The following HNF4A variants were observed in gnomAD, a reference collection of about 807,000 sequenced individuals.
The protein encoded by HNF4A is hepatocyte nuclear factor 4-alpha.
In HNF4A, 15 loss-of-function variants were observed where a neutral mutation model predicts 52.4. That is an observed-to-expected ratio of 0.29 (90% CI 0.19 to 0.44). HNF4A has a LOEUF of 0.44. Among genes scored for constraint, HNF4A ranks in the 20% least tolerant of loss-of-function variants. The pLI, the probability that HNF4A is intolerant of heterozygous loss-of-function variation, is 1.00. For missense variants in HNF4A, 479 were observed against 647.2 expected (o/e 0.74, Z 2.82); for synonymous variants, 280 against 264.4 (o/e 1.06, Z -0.57).
chr20:44,429,822 C>A lies in HNF4A; in HGVS notation c.*157C>A. 1.4e-6 allele frequency: 1 copy of A among 731,042 alleles called. No homozygotes were observed. Among genetic ancestry groups the A allele is most frequent in the South Asian group, 1.8e-5 (1 of 56,686 alleles). The allele number at this position is 731,042 out of a possible 1,614,324, so 45.3% of individuals were successfully genotyped here. A position where few individuals can be genotyped will look rare whatever the true frequency, so the allele number is the denominator to read the frequency against. ...GGGCCCGAGAACATGGCCTAAGGGC[C>A]ACATCCCACTGCCACCCTTGACGCC... On this transcript the variant is annotated 3_prime_UTR_variant, in exon 10 of 10. Coordinates refer to ENST00000316099, the MANE Select transcript of HNF4A (RefSeq NM_000457.6).
chr20:44,367,100 C>T (rs1483265730), intron 1 of HNF4A, among the ~76,000 whole-genome samples: 1 of 152,140 alleles, frequency 6.6e-6, no homozygotes, highest in Non-Finnish European at 1.5e-5. Flanking sequence ...CTTTTGGAGG[C>T]CAAGGTGAGT....
intron 8 of HNF4A, among the ~76,000 whole-genome samples, chr20:44,426,701 G>T (rs2063818348): frequency 6.6e-6 from 1 of 152,082 alleles, no homozygotes; most frequent in Non-Finnish European, 1.5e-5. Context: ...CAGCTACTCG[G>T]GAGGCTGAGG....
chr20:44,430,861 A>C lies in HNF4A; in HGVS notation c.*1196A>C, dbSNP rs935968853. ...ATGGGTAAACCCTCACATCAGAGTG[A>C]CATCCAGGAGGAATAAGCTCCCAGG... On this transcript the variant is annotated 3_prime_UTR_variant, in exon 10 of 10. Transcript: ENST00000316099. The C allele has an allele frequency of 1.3e-5, 2 of 152,372 alleles. No individual in the cohort carries two copies. The highest frequency in any genetic ancestry group is 2.9e-5 in the Non-Finnish European group (2 of 68,142). 9.4% of individuals were successfully genotyped at this position (152,372 alleles called of 1,614,324 possible). A position where few individuals can be genotyped will look rare whatever the true frequency, so the allele number is the denominator to read the frequency against.
rs751596812 is a variant in HNF4A at position 44,402,693 on chromosome 20, C to CA, written c.115+1207dup. On this transcript the variant is annotated intron_variant, in intron 1 of 9. Coordinates refer to ENST00000316099, the MANE Select transcript of HNF4A (RefSeq NM_000457.6). ...AAACCCCTCCTGGAGGGAAGAGCCC[C>CA]ATCGGTCCCAGGCCAGCCTCAGAGG... is the stretch of plus-strand genomic sequence containing the variant. 9.5e-6 allele frequency: 11 copies of CA among 1,162,230 alleles called. No individual in the cohort carries two copies. In the South Asian group the frequency reaches 1.0e-4, roughly 11 times the overall value. The allele number at this position is 1,162,230 out of a possible 1,614,324, so 72.0% of individuals were successfully genotyped here.
At chr20:44,355,821 C>T (rs1051122101) in exon 1 of HNF4A, 3 of 1,613,704 alleles carry the variant, frequency 1.9e-6, no homozygotes, top group Non-Finnish European at 2.5e-6. Flanking sequence ...AGCGTGAACG[C>T]GCCCCTCGGG....
chr20:44,419,740 T>G lies in HNF4A; in HGVS notation c.756T>G (p.Pro252=). Residue 252 remains proline (P), a synonymous_variant, in exon 7 of 10, where the codon CCT becomes CCG. Transcript: ENST00000316099. ...TTCCAGGCAATGACTACATTGTCCC[T>G]CGGCACTGCCCGGAGCTGGCGGAGA... is the stretch of plus-strand genomic sequence containing the variant. 6.7e-7 allele frequency: 1 copy of G among 1,498,972 alleles called. No individual in the cohort carries two copies. Among genetic ancestry groups the G allele is most frequent in the Non-Finnish European group, 9.1e-7 (1 of 1,101,234 alleles). The allele number at this position is 1,498,972 out of a possible 1,614,324, so 92.9% of individuals were successfully genotyped here.
chr20:44,410,580 A>G (rs766697687), intron 3 of HNF4A, among the ~76,000 whole-genome samples: 3 of 151,902 alleles, frequency 2.0e-5, no homozygotes, highest in Non-Finnish European at 4.4e-5. Flanking sequence ...ACAAGTTTTT[A>G]TTTCTTTTTC....
In HNF4A at chr20:44,424,365, G is replaced by A. The variant is rs1278043378; in HGVS notation, c.1129+111G>A. 17 of 1,536,642 alleles carry A rather than the reference G, an allele frequency of 1.1e-5. 1 individual carries two copies. The Admixed American group carries it at 3.1e-4, about 28-fold the overall frequency. ...CTTGGCTTCCCCACTGTGCCGCTTT[G>A]GGCAAGTTGCTTAACCTGTCTGTGC... On this transcript the variant is annotated intron_variant, in intron 8 of 9. Coordinates refer to ENST00000316099, the MANE Select transcript of HNF4A (RefSeq NM_000457.6).
chr20:44,394,380 T>C (rs1016210547), intron 1 of HNF4A, among the ~76,000 whole-genome samples: 10 of 152,018 alleles, frequency 6.6e-5, no homozygotes, highest in African/African-American at 2.2e-4. Context: ...GAATCAGTGG[T>C]TTTCCAACCC....
intron 1 of HNF4A, among the ~76,000 whole-genome samples, chr20:44,392,423 T>C (rs908813942): frequency 1.3e-5 from 2 of 152,104 alleles, no homozygotes; most frequent in African/African-American, 4.8e-5. Context: ...TGCACAAAAA[T>C]ATAGACGCCT....
chr20:44,429,180 C>A (rs6031601), intron 9 of HNF4A, among the ~76,000 whole-genome samples: 87,420 of 151,954 alleles, frequency 0.58, 25,476 homozygotes, highest in Middle Eastern at 0.71. Context: ...CCAGGAAAGA[C>A]TATCCCTGTC....
chr20:44,410,764 G>C (rs756845399), intron 3 of HNF4A, among the ~76,000 whole-genome samples: 5 of 152,032 alleles, frequency 3.3e-5, no homozygotes, highest in Non-Finnish European at 7.4e-5. Flanking sequence ...GTGATGTGAC[G>C]GGTCAGGGGT....
intron 3 of HNF4A, among the ~76,000 whole-genome samples, chr20:44,410,443 A>AT (rs1203391747): frequency 2.0e-5 from 3 of 152,072 alleles, no homozygotes; most frequent in Admixed American, 2.0e-4. Context: ...TGGTCAAGCC[A>AT]TAGGAAATGA....
chr20:44,370,577 T>G (rs941480657), intron 1 of HNF4A, among the ~76,000 whole-genome samples: 2 of 152,176 alleles, frequency 1.3e-5, no homozygotes, highest in Non-Finnish European at 2.9e-5. Flanking sequence ...TGAAATTACG[T>G]ATTCCTTGAT....
At chr20:44,375,751 G>T (rs6031565) in intron 1 of HNF4A, among the ~76,000 whole-genome samples, 142 of 152,256 alleles carry the variant, frequency 9.3e-4, no homozygotes, top group African/African-American at 3.2e-3. Flanking sequence ...AAAGAAAGCT[G>T]CACAAATTTC....
chr20:44,433,005 T>G (rs765018090), downstream of HNF4A: 1 of 152,166 alleles, frequency 6.6e-6, no homozygotes, highest in Admixed American at 6.5e-5. Flanking sequence ...AATTTTTCAG[T>G]CTTCACATCA....
At chr20:44,424,709 T>C (rs2063795609) in intron 8 of HNF4A, 4 of 793,990 alleles carry the variant, frequency 5.0e-6, no homozygotes, top group African/African-American at 3.6e-5. Context: ...AAGTGGTGAC[T>C]CTTGTGCTAA....
Position 44,388,372 on chromosome 20 carries a change from A to ACCC in HNF4A, c.50-17680_50-17678dup, listed in dbSNP as rs11484360. Among the ~76,000 whole-genome samples, 58 of 89,490 alleles carry ACCC rather than the reference A, an allele frequency of 6.5e-4. 1 individual carries two copies. Among genetic ancestry groups the ACCC allele is most frequent in the African/African-American group, 2.5e-3 (30 of 12,104 alleles). The allele number at this position is 89,490 out of a possible 152,430, so 58.7% of individuals were successfully genotyped here. On this transcript the variant is annotated intron_variant, in intron 1 of 9. Coordinates refer to the HNF4A transcript ENST00000316673. ...ACAAAGCCTGGAACCTTCCTCAAAGACCCCCCCCACCCCCGTACATTGGAA... is the reference window on the plus strand; with the variant it reads ...ACAAAGCCTGGAACCTTCCTCAAAGACCCCCCCCCCCACCCCCGTACATTGGAA...
chr20:44,382,911 G>A (rs2063173321), intron 1 of HNF4A, among the ~76,000 whole-genome samples: 1 of 152,190 alleles, frequency 6.6e-6, no homozygotes. Context: ...ACTCACGTCT[G>A]TAATCCCAAC....
Sources: gnomAD v4.1 joint callset for allele counts (sites outside exome capture counted in the v4.1 genomes callset) on GRCh38, gnomAD v4.1.1 for gene constraint, MANE v1.5 for transcripts, NCBI Gene and HGNC (gene_info 2026-07-23, HGNC 2026-07-21) for gene names.